The following KCNAB1 variants were observed in gnomAD, a reference collection of about 807,000 sequenced individuals.
The protein encoded by KCNAB1 is voltage-gated potassium channel subunit beta-1.
In KCNAB1, 35 loss-of-function variants were observed where a neutral mutation model predicts 64.6. The observed-to-expected ratio is 0.54, with a 90% CI of 0.41 to 0.72. The LOEUF (loss-of-function observed/expected upper bound fraction) is 0.72, where lower values mean the gene tolerates loss of function less well. KCNAB1 is among the 30% of genes least tolerant of loss of function. KCNAB1 has a pLI of 0.00. For synonymous variants in KCNAB1, 177 were observed against 183.8 expected (o/e 0.96, Z 0.30); for missense variants, 401 against 512.9 (o/e 0.78, Z 2.11).
At chr3:156,365,551 A>G (rs1347562539) in intron 1 of KCNAB1, among the ~76,000 whole-genome samples, 1 of 152,178 alleles carries the variant, frequency 6.6e-6, no homozygotes, top group African/African-American at 2.4e-5. Flanking sequence ...TATTTTTCAC[A>G]GTTGTAATCA....
At chr3:156,231,503 C>T in intron 1 of KCNAB1, among the ~76,000 whole-genome samples, 2 of 128,880 alleles carry the variant, frequency 1.6e-5, no homozygotes, top group South Asian at 6.4e-4. Context: ...CCCCTCCCTC[C>T]CTCCCTCCCT....
intron 1 of KCNAB1, among the ~76,000 whole-genome samples, chr3:156,206,771 A>G (rs1326211423): frequency 2.0e-5 from 3 of 152,044 alleles, no homozygotes; most frequent in Admixed American, 6.6e-5. Context: ...TTTCCTAAGT[A>G]TTTTCTGCTT....
intron 1 of KCNAB1, among the ~76,000 whole-genome samples, chr3:156,155,200 C>T (rs1715647058): frequency 6.6e-6 from 1 of 152,114 alleles, no homozygotes; most frequent in Admixed American, 6.6e-5. Context: ...GAACCATCTA[C>T]CTATCCCCCC....
At chr3:156,456,264 A>G (rs893999540) in intron 3 of KCNAB1, 2 of 151,864 alleles carry the variant, frequency 1.3e-5, no homozygotes, top group African/African-American at 4.8e-5. Context: ...AGAATTCTCC[A>G]TCTTATCTTA....
intron 1 of KCNAB1, among the ~76,000 whole-genome samples, chr3:156,258,390 T>C (rs570490396): frequency 1.3e-5 from 2 of 152,334 alleles, no homozygotes; most frequent in South Asian, 4.1e-4. Flanking sequence ...GCAAATCCTC[T>C]TTTTTCTATC....
At chr3:156,520,997 T>C (rs1717907438) in intron 11 of KCNAB1, among the ~76,000 whole-genome samples, 1 of 152,180 alleles carries the variant, frequency 6.6e-6, no homozygotes, top group Non-Finnish European at 1.5e-5. Flanking sequence ...CCAATATCAA[T>C]ACCTATGAAA....
chr3:156,321,400 C>T (rs986159357), intron 1 of KCNAB1, among the ~76,000 whole-genome samples: 3 of 152,184 alleles, frequency 2.0e-5, no homozygotes, highest in African/African-American at 7.2e-5. Flanking sequence ...AAGCACATCT[C>T]TGAGGCAAAT....
intron 1 of KCNAB1, among the ~76,000 whole-genome samples, chr3:156,145,703 C>A (rs561426930): frequency 1.3e-5 from 2 of 152,166 alleles, no homozygotes; most frequent in East Asian, 3.9e-4. Flanking sequence ...GACCAGAGTT[C>A]AAATTCAAGC....
At chr3:156,210,061 C>G (rs1576608094) in intron 1 of KCNAB1, among the ~76,000 whole-genome samples, 1 of 152,336 alleles carries the variant, frequency 6.6e-6, no homozygotes, top group East Asian at 1.9e-4. Flanking sequence ...ATGATCTGCA[C>G]TCCTCATGGC....
intron 1 of KCNAB1, chr3:156,176,779 A>G (rs775239168): frequency 4.5e-6 from 4 of 880,984 alleles, no homozygotes; most frequent in African/African-American, 1.6e-5. Context: ...GCTTGCAGCA[A>G]AGCTCCTGGC....
intron 7 of KCNAB1, among the ~76,000 whole-genome samples, chr3:156,466,984 T>G (rs1215272871): frequency 6.6e-6 from 1 of 152,114 alleles, no homozygotes; most frequent in African/African-American, 2.4e-5. Context: ...TAAACCCATC[T>G]TAAATTGAGA....
chr3:156,387,795 G>A lies in KCNAB1; in HGVS notation c.276-33821G>A, dbSNP rs148251124. ...AATGCTGAAAATGGTGTGAATGAGC[G>A]GGCACTCTTGGAGATGTGTGCAGGA... On this transcript the variant is annotated intron_variant, in intron 1 of 13. Coordinates refer to ENST00000490337, the MANE Select transcript of KCNAB1 (RefSeq NM_172160.3). Among the ~76,000 whole-genome samples, 258 of 152,228 alleles carry A rather than the reference G, an allele frequency of 1.7e-3. 4 individuals are homozygous for A. The East Asian group carries it at 0.038, about 23-fold the overall frequency.
intron 1 of KCNAB1, among the ~76,000 whole-genome samples, chr3:156,173,792 C>G (rs11928624): frequency 0.021 from 3,156 of 152,300 alleles, 112 homozygotes; most frequent in African/African-American, 0.072. Context: ...CCAATGAGAT[C>G]AGCATTTGTA....
intron 13 of KCNAB1, among the ~76,000 whole-genome samples, chr3:156,533,579 A>G (rs1408073194): frequency 1.3e-5 from 2 of 152,124 alleles, no homozygotes; most frequent in Admixed American, 1.3e-4. Context: ...TTTTAAGAGG[A>G]GGGACATGCT....
chr3:156,277,785 A>T (rs567660484), intron 1 of KCNAB1, among the ~76,000 whole-genome samples: 1 of 152,264 alleles, frequency 6.6e-6, no homozygotes, highest in Non-Finnish European at 1.5e-5. Context: ...TGGGTTACTT[A>T]GCAGTTCTAT....
At chr3:156,404,335 A>G (rs1201632047) in intron 1 of KCNAB1, among the ~76,000 whole-genome samples, 3 of 152,070 alleles carry the variant, frequency 2.0e-5, no homozygotes, top group East Asian at 1.9e-4. Flanking sequence ...TTATGCTTCA[A>G]CCGAGTTCTT....
chr3:156,384,149 C>T (rs3821417), intron 1 of KCNAB1, among the ~76,000 whole-genome samples: 44,999 of 152,076 alleles, frequency 0.3, 9,214 homozygotes, highest in African/African-American at 0.59. Flanking sequence ...TAAATAAGTT[C>T]ACTGCCCTTT....
intron 1 of KCNAB1, among the ~76,000 whole-genome samples, chr3:156,281,456 G>T (rs1194571302): frequency 6.7e-6 from 1 of 150,082 alleles, no homozygotes; most frequent in Non-Finnish European, 1.5e-5. Context: ...CCTGGCTTTG[G>T]TATCAGAATG....
chr3:156,393,072 C>T (rs1387398655), intron 1 of KCNAB1, among the ~76,000 whole-genome samples: 2 of 152,082 alleles, frequency 1.3e-5, no homozygotes, highest in Non-Finnish European at 2.9e-5. Flanking sequence ...CTACCAAAGC[C>T]ATTTAGGCCT....
Sources: allele counts gnomAD v4.1 joint callset (sites outside exome capture counted in the v4.1 genomes callset), GRCh38; gene constraint gnomAD v4.1.1; transcripts MANE v1.5; gene names NCBI Gene and HGNC (gene_info 2026-07-23, HGNC 2026-07-21).